Variants in DBN1 observed in about 807,000 individuals in gnomAD.
DBN1 encodes drebrin.
A neutral mutation model predicts 83.5 loss-of-function variants in DBN1; 21 were observed. That is an observed-to-expected ratio of 0.25 (90% CI 0.18 to 0.36). DBN1 has a LOEUF of 0.36. Among genes scored for constraint, DBN1 ranks in the 10% least tolerant of loss-of-function variants. DBN1 has a pLI of 1.00. For synonymous variants in DBN1, 381 were observed against 384.9 expected, an observed-to-expected ratio of 0.99 and a Z score of 0.12; for missense variants, 874 against 935.7, an observed-to-expected ratio of 0.93 and a Z score of 0.86.
chr5:177,468,841 T>C lies in DBN1; in HGVS notation c.142+3A>G, dbSNP rs375288983. On this transcript the variant is annotated splice_donor_region_variant and intron_variant, in intron 2 of 14. Transcript: ENST00000393565. ...GCGGCGAGGGAATGGCTGGAATTCC[T>C]ACCTCCTGATGCTGCAAGCTTGAGG... is the stretch of plus-strand genomic sequence containing the variant. 1.5e-6 allele frequency: 2 copies of C among 1,321,980 alleles called. No homozygotes were observed. Among genetic ancestry groups the C allele is most frequent in the Non-Finnish European group, 1.9e-6 (2 of 1,026,740 alleles). The allele number at this position is 1,321,980 out of a possible 1,614,324, so 81.9% of individuals were successfully genotyped here.
rs1561675128 is a variant in DBN1 at position 177,457,718 on chromosome 5, A to G, written c.1954T>C (p.Phe652Leu). Reference sequence around the variant, plus strand: ...GCACAGAGCTCTTCCGATTGGGCAAACTCCTCCTCCTGTGATTGACTGAAG... The same window carrying G: ...GCACAGAGCTCTTCCGATTGGGCAAGCTCCTCCTCCTGTGATTGACTGAAG... ...GYFSQSQEEEFAQSEELCAKA... is the reference protein window; with the variant it reads ...GYFSQSQEEELAQSEELCAKA... The change falls in exon 14 of 15, where the codon TTT becomes CTT. Residue 652 changes from phenylalanine (F) to leucine (L), a missense_variant. This residue lies in a region of DBN1 where 725 missense variants were observed against 719.7 expected (regional missense o/e 1.01). Coordinates refer to ENST00000393565, the MANE Select transcript of DBN1 (RefSeq NM_001363541.2). 6.2e-7 allele frequency: 1 copy of G among 1,612,448 alleles called. No homozygotes were observed. Among genetic ancestry groups the G allele is most frequent in the Non-Finnish European group, 8.5e-7 (1 of 1,178,810 alleles).
intron 8 of DBN1, among the ~76,000 whole-genome samples, chr5:177,463,814 GTA>G (rs1757214865): frequency 6.6e-6 from 1 of 152,224 alleles, no homozygotes; most frequent in Non-Finnish European, 1.5e-5. Context: ...CTGCATGTGT[GTA>G]TGTTTGAAAT....
chr5:177,462,094 G>T, intron 8 of DBN1: 1 of 432,996 alleles, frequency 2.3e-6, no homozygotes, highest in Non-Finnish European at 3.1e-6. Context: ...TCGCCTACTG[G>T]CTTCACCTGC....
chr5:177,465,829 T>C (rs1414740351), intron 8 of DBN1, among the ~76,000 whole-genome samples: 14 of 138,900 alleles, frequency 1.0e-4, no homozygotes, highest in Non-Finnish European at 6.1e-5. Context: ...CATTCTACCC[T>C]GGGCGACAGA....
intron 1 of DBN1, chr5:177,472,106 T>TCCTGTGACTGA: frequency 6.2e-7 from 1 of 1,605,004 alleles, no homozygotes; most frequent in Non-Finnish European, 8.5e-7. Context: ...TGCCGGCCTC[T>TCCTGTGACTGA]CCTGTGACTG....
Position 177,457,087 on chromosome 5 carries a change from A to G in DBN1, c.*346T>C. 3.0e-6 allele frequency: 1 copy of G among 329,730 alleles called. No homozygotes were observed. The highest frequency in any genetic ancestry group is 5.6e-6 in the Non-Finnish European group (1 of 177,168). 20.4% of individuals were successfully genotyped at this position (329,730 alleles called of 1,614,324 possible). The stretch of plus-strand genomic sequence containing the variant: ...TTCCCACCAGAGCTCCCCCCACGCC[A>G]GGCCCCAAGCAGGGTGAGGCCTCCA... On this transcript the variant is annotated 3_prime_UTR_variant, in exon 15 of 15. Coordinates refer to ENST00000393565, the MANE Select transcript of DBN1 (RefSeq NM_001363541.2).
intron 8 of DBN1, among the ~76,000 whole-genome samples, chr5:177,460,953 T>C (rs1363553432): frequency 1.3e-5 from 2 of 150,346 alleles, no homozygotes; most frequent in Non-Finnish European, 3.0e-5. Flanking sequence ...CTAATTTTAA[T>C]TTTTTGGTAG....
intron 10 of DBN1, 97 bp from the exon 11 acceptor site, chr5:177,459,837 C>T (rs959097999): frequency 3.8e-6 from 5 of 1,325,748 alleles, no homozygotes; most frequent in Non-Finnish European, 3.9e-6. Context: ...AGGGCCTGGC[C>T]CTGGATGTCC....
chr5:177,461,094 CTTTTTTTTTT>C (rs1212164434), intron 8 of DBN1, among the ~76,000 whole-genome samples: 2 of 90,692 alleles, frequency 2.2e-5, no homozygotes, highest in Non-Finnish European at 4.2e-5. Flanking sequence ...TTCTGGCCTT[CTTTTTTTTTT>C]TTTTTTTTTT....
rs541131458 is a variant in DBN1, at chr5:177,463,065, C to T, written c.772-2362G>A. The stretch of plus-strand genomic sequence containing the variant: ...AGGCTTTTTTTTTTTTAATCTGAGA[C>T]AGAGTCTTTCACTCAGGCTGGAGTG... On this transcript the variant is annotated intron_variant, in intron 8 of 14. Transcript: ENST00000393565. Among the ~76,000 whole-genome samples the T allele has an allele frequency of 3.3e-5, 5 of 151,794 alleles. 1 individual carries two copies. Among genetic ancestry groups the T allele is most frequent in the African/African-American group, 1.2e-4 (5 of 41,354 alleles).
In DBN1 at chr5:177,459,287, G is replaced by A; in HGVS notation, c.1094-19C>T. On this transcript the variant is annotated intron_variant, in intron 11 of 14. Coordinates refer to ENST00000393565, the MANE Select transcript of DBN1 (RefSeq NM_001363541.2). ...TGGCTGCCTGTGGAACAAACCCCAGGTGGGTCAGTGAGGGCGGGGGAGCCG... is the reference window on the plus strand; with the variant it reads ...TGGCTGCCTGTGGAACAAACCCCAGATGGGTCAGTGAGGGCGGGGGAGCCG... 2 of 1,601,440 alleles carry A rather than the reference G, an allele frequency of 1.2e-6. No individual in the cohort carries two copies. The highest frequency in any genetic ancestry group is 1.7e-6 in the Non-Finnish European group (2 of 1,178,618).
At position 177,459,750 on chromosome 5, in the gene DBN1, G is replaced by A. The variant is rs768952908; in HGVS notation, c.956-10C>T. On this transcript the variant is annotated splice_polypyrimidine_tract_variant and intron_variant, in intron 10 of 14. Coordinates refer to ENST00000393565, the MANE Select transcript of DBN1 (RefSeq NM_001363541.2). The stretch of plus-strand genomic sequence containing the variant: ...GGGCAGTACGGACGACCTGCCGAGA[G>A]AGACAGACAGAGAAAGAGACAGAGG... The A allele has an allele frequency of 2.0e-6, 3 of 1,480,332 alleles. 1 individual carries two copies. Among genetic ancestry groups the A allele is most frequent in the Non-Finnish European group, 1.8e-6 (2 of 1,111,450 alleles). 91.7% of individuals were successfully genotyped at this position (1,480,332 alleles called of 1,614,324 possible).
intron 8 of DBN1, among the ~76,000 whole-genome samples, chr5:177,464,407 T>C (rs1466560354): frequency 5.3e-5 from 8 of 150,938 alleles, no homozygotes; most frequent in East Asian, 3.9e-4. Flanking sequence ...GATTGTGCCA[T>C]TGCACTCCAG....
At position 177,458,622 on chromosome 5, in the gene DBN1, G is replaced by A. The variant is rs1581715075; in HGVS notation, c.1350C>T (p.Pro450=). The change falls in exon 13 of 15, where the codon CCC becomes CCT. Residue 450 remains proline (P), a synonymous_variant. Transcript: ENST00000393565. ...PQAWAGPMEE[P]PQAQAPPRGP... ...CCCGGGGAGGCGCCTGTGCCTGAGG[G>A]GGCTCCTCCATGGGGCCGGCCCAGG... is the stretch of plus-strand genomic sequence containing the variant. 15 of 1,609,558 alleles carry A rather than the reference G, an allele frequency of 9.3e-6. No individual in the cohort carries two copies. In the East Asian group the frequency reaches 3.3e-4, roughly 36 times the overall value.
intron 8 of DBN1, among the ~76,000 whole-genome samples, chr5:177,464,607 A>C (rs1277927226): frequency 2.3e-5 from 1 of 44,100 alleles, no homozygotes; most frequent in Admixed American, 1.9e-4. Context: ...AAAAGACAAT[A>C]AATAAATAAA....
In DBN1 at chr5:177,468,836, AT is replaced by A. The variant is rs1246257523; in HGVS notation, c.142+7del. The A allele has an allele frequency of 7.6e-7, 1 of 1,322,588 alleles. No homozygotes were observed. The highest frequency in any genetic ancestry group is 9.7e-7 in the Non-Finnish European group (1 of 1,027,130). 81.9% of individuals were successfully genotyped at this position (1,322,588 alleles called of 1,614,324 possible). A position where few individuals can be genotyped will look rare whatever the true frequency, so the allele number is the denominator to read the frequency against. ...AGAAGGCGGCGAGGGAATGGCTGGA[AT>A]TCCTACCTCCTGATGCTGCAAGCTT... On this transcript the variant is annotated splice_region_variant and intron_variant, in intron 2 of 14. Transcript: ENST00000393565.
intron 8 of DBN1, among the ~76,000 whole-genome samples, chr5:177,463,885 TGGGA>T (rs1757221362): frequency 1.3e-5 from 2 of 151,594 alleles, no homozygotes; most frequent in Non-Finnish European, 3.0e-5. Flanking sequence ...GAGGCCGAGG[TGGGA>T]GGATCACCTG....
rs569412000 is a variant in DBN1, at chr5:177,467,188, G to A, written c.555+67C>T. ...GCATGGGCCATGCCACTGCAGTGAG[G>A]GACTCAGACCTGCCCCATGGGGTCC... On this transcript the variant is annotated intron_variant, in intron 6 of 14. Transcript: ENST00000393565. This position sits in a 1 kb window ranked among gnomAD's most constrained non-coding sequence, Gnocchi z 9.1. The A allele has an allele frequency of 1.2e-6, 2 of 1,607,904 alleles. No individual in the cohort carries two copies. Among genetic ancestry groups the A allele is most frequent in the East Asian group, 2.2e-5 (1 of 44,838 alleles).
chr5:177,470,038 A>G (rs1404653704), intron 1 of DBN1, among the ~76,000 whole-genome samples: 1 of 152,226 alleles, frequency 6.6e-6, no homozygotes, highest in Non-Finnish European at 1.5e-5. Context: ...GACAAAGGAA[A>G]TGAAGGCGGG....
Sources: allele counts gnomAD v4.1 joint callset (sites outside exome capture counted in the v4.1 genomes callset), GRCh38; gene constraint gnomAD v4.1.1; regional missense constraint gnomAD v4.1.1; non-coding constraint Gnocchi (gnomAD v3.1); transcripts MANE v1.5; gene names NCBI Gene and HGNC (gene_info 2026-07-23, HGNC 2026-07-21).